Variants in ICE1 observed in about 807,000 individuals in gnomAD.
The protein encoded by ICE1 is little elongation complex subunit 1.
In ICE1, 64 loss-of-function variants were observed where a neutral mutation model predicts 192.7. The observed-to-expected ratio is 0.33, with a 90% CI of 0.27 to 0.41. The LOEUF is 0.41. Among genes scored for constraint, ICE1 ranks in the 10% least tolerant of loss-of-function variants. The pLI is 1.00. For synonymous variants in ICE1, 1,010 were observed against 984.5 expected, an observed-to-expected ratio of 1.03 and a Z score of -0.49; for missense variants, 2,708 against 2,696.0, an observed-to-expected ratio of 1.00 and a Z score of -0.10.
intron 16 of ICE1, among the ~76,000 whole-genome samples, chr5:5,474,213 A>C (rs1191425605): frequency 6.7e-6 from 1 of 148,630 alleles, no homozygotes; most frequent in Non-Finnish European, 1.5e-5. Flanking sequence ...TCATCTCAAA[A>C]AAAAAAAAAA....
In ICE1 at chr5:5,477,338, C is replaced by T. The variant is rs111794648; in HGVS notation, c.6520+1259C>T. Among the ~76,000 whole-genome samples, 502 of 152,264 alleles carry T rather than the reference C, an allele frequency of 3.3e-3. 3 individuals carry two copies. Among genetic ancestry groups the T allele is most frequent in the African/African-American group, 0.011 (476 of 41,552 alleles). Reference sequence around the variant, plus strand: ...CTGATTCCACAGAAATATAAACTGCCATCAGAGAATACTGTAAACACCTCT... The same window carrying T: ...CTGATTCCACAGAAATATAAACTGCTATCAGAGAATACTGTAAACACCTCT... On this transcript the variant is annotated intron_variant, in intron 17 of 18. Coordinates refer to ENST00000296564, the MANE Select transcript of ICE1 (RefSeq NM_015325.3).
At chr5:5,437,348 C>A (rs759985554) in intron 3 of ICE1, 18 of 412,882 alleles carry the variant, frequency 4.4e-5, no homozygotes, top group Admixed American at 3.7e-4. Context: ...ATTTTCTTAA[C>A]GTCTCATAAG....
intron 17 of ICE1, among the ~76,000 whole-genome samples, chr5:5,478,338 C>T (rs578080470): frequency 6.6e-6 from 1 of 152,274 alleles, no homozygotes; most frequent in Admixed American, 6.5e-5. Flanking sequence ...AGAGCTAAAT[C>T]ATGTGTGAAC....
chr5:5,483,452 G>T (rs1385078088), intron 17 of ICE1, among the ~76,000 whole-genome samples: 1 of 152,196 alleles, frequency 6.6e-6, no homozygotes, highest in Non-Finnish European at 1.5e-5. Context: ...AGTACACGGG[G>T]TTTACTCCAA....
intron 1 of ICE1, among the ~76,000 whole-genome samples, chr5:5,430,696 C>T (rs962248217): frequency 2.6e-5 from 4 of 152,142 alleles, no homozygotes; most frequent in African/African-American, 9.7e-5. Flanking sequence ...CTCTTACTGC[C>T]CCATACTCCA....
chr5:5,458,560 A>C (rs1246129696), intron 12 of ICE1, among the ~76,000 whole-genome samples: 1 of 152,118 alleles, frequency 6.6e-6, no homozygotes, highest in Non-Finnish European at 1.5e-5. Flanking sequence ...CAATCCCCAC[A>C]CTGAGTTTTA....
intron 14 of ICE1, 35 bp downstream of exon 14, chr5:5,466,537 T>C (rs1738990654): frequency 6.4e-7 from 1 of 1,552,392 alleles, no homozygotes; most frequent in Non-Finnish European, 8.8e-7. Flanking sequence ...GTATTGAAAA[T>C]ATACGATTGC....
At position 5,463,357 on chromosome 5, in the gene ICE1, C is replaced by A. The variant is rs770271591; in HGVS notation, c.4023C>A (p.Asn1341Lys). ...TCAGCGGTATGCCTCAGAATGAAAACCCTCAGAGCAGACCAGAGGCCCGTT... is the reference window on the plus strand; with the variant it reads ...TCAGCGGTATGCCTCAGAATGAAAAACCTCAGAGCAGACCAGAGGCCCGTT... ...SPISGMPQNE[N>K]PQSRPEARSD... Residue 1341 changes from asparagine to lysine, a missense_variant, in exon 13 of 19, where the codon AAC (asparagine) becomes AAA (lysine). Coordinates refer to ENST00000296564, the MANE Select transcript of ICE1 (RefSeq NM_015325.3). 24 of 1,613,732 alleles carry A rather than the reference C, an allele frequency of 1.5e-5. No homozygotes were observed. The highest frequency in any genetic ancestry group is 2.2e-5 in the East Asian group (1 of 44,880).
Position 5,462,961 on chromosome 5 carries a change from A to G in ICE1, c.3627A>G (p.Glu1209=), listed in dbSNP as rs1579565532. 1 of 1,613,032 alleles carries G rather than the reference A, an allele frequency of 6.2e-7. No individual in the cohort carries two copies. The highest frequency in any genetic ancestry group is 1.3e-5 in the African/African-American group (1 of 75,044). The change falls in exon 13 of 19, where the codon GAA becomes GAG. Residue 1209 remains glutamate, a synonymous_variant. Coordinates refer to ENST00000296564, the MANE Select transcript of ICE1 (RefSeq NM_015325.3). ...KGTLSKEMNK[E]LKASEIGEKY... ...CCCTAAGTAAAGAAATGAACAAAGA[A>G]TTAAAGGCAAGTGAAATAGGAGAAA...
At chr5:5,429,761 G>A (rs902985927) in intron 1 of ICE1, among the ~76,000 whole-genome samples, 3 of 152,190 alleles carry the variant, frequency 2.0e-5, no homozygotes, top group African/African-American at 7.2e-5. Context: ...AGCCAGGTGT[G>A]ATTCTACTTC....
In ICE1 at chr5:5,447,888, A is replaced by T. The variant is rs993126874; in HGVS notation, c.595A>T (p.Ile199Leu). ...AATTTCAAGTGATTCATATGGAAGC[A>T]TAGATAAAAGTGAGTATATTGCAAC... ...TQISSDSYGSIDKRKVKLLLK... is the reference protein window; with the variant it reads ...TQISSDSYGSLDKRKVKLLLK... The change falls in exon 10 of 19, where the codon ATA (isoleucine) becomes TTA (leucine). Residue 199 changes from isoleucine (I) to leucine (L), a missense_variant. Transcript: ENST00000296564. 1 of 1,569,814 alleles carries T rather than the reference A, an allele frequency of 6.4e-7. No individual in the cohort carries two copies. The highest frequency in any genetic ancestry group is 8.7e-7 in the Non-Finnish European group (1 of 1,154,848).
At position 5,444,661 on chromosome 5, in the gene ICE1, A is replaced by G. The variant is rs75138949; in HGVS notation, c.424+335A>G. Among the ~76,000 whole-genome samples the G allele has an allele frequency of 2.4e-3, 363 of 152,278 alleles. 7 individuals carry two copies. In the East Asian group the frequency reaches 0.061, roughly 26 times the overall value. ...CATAGGGCTTTTTCTTTTTTTCTTA[A>G]TGAAATAAGTAGCTGGTGGAAAGGG... On this transcript the variant is annotated intron_variant, in intron 7 of 18. Transcript: ENST00000296564.
chr5:5,425,533 T>G (rs1252608145), intron 1 of ICE1, among the ~76,000 whole-genome samples: 1 of 152,242 alleles, frequency 6.6e-6, no homozygotes, highest in Non-Finnish European at 1.5e-5. Context: ...TTCTGTGGCC[T>G]GGAATTGGAT....
chr5:5,453,165 A>C (rs1344058545), intron 10 of ICE1, among the ~76,000 whole-genome samples: 1 of 152,004 alleles, frequency 6.6e-6, no homozygotes, highest in African/African-American at 2.4e-5. Context: ...GATCCTGGTC[A>C]GGTCATTTAA....
Position 5,457,713 on chromosome 5 carries a change from CG to C in ICE1, c.1076del (p.Gly359ValfsTer49). On this transcript the variant is annotated frameshift_variant, in exon 12 of 19. Transcript: ENST00000296564. LOFTEE classifies it high-confidence loss of function. ...CCCCCTCCGATGTCATCACCTCACC[CG>C]GGTTCCTTACCGTCTTCATTTGCAC... The part of the protein sequence containing the change: ...PSPPPMSSPH[P>X]GSLPSSFAPE... 6.2e-7 allele frequency: 1 copy of C among 1,612,932 alleles called. No individual in the cohort carries two copies. Among genetic ancestry groups the C allele is most frequent in the Non-Finnish European group, 8.5e-7 (1 of 1,179,114 alleles).
intron 15 of ICE1, among the ~76,000 whole-genome samples, chr5:5,472,897 A>G (rs946781957): frequency 2.0e-5 from 3 of 152,128 alleles, no homozygotes; most frequent in African/African-American, 7.2e-5. Context: ...CAGGAGTTCC[A>G]CTCTTAGGTA....
chr5:5,445,735 A>AT lies in ICE1; in HGVS notation c.424+1424dup, dbSNP rs369289020. ...AGCCACATTTTTTATTTAAAAAAGA[A>AT]TTTTTTTTTTTTTTTGAGAGGAAGT... On this transcript the variant is annotated intron_variant, in intron 7 of 18. Coordinates refer to ENST00000296564, the MANE Select transcript of ICE1 (RefSeq NM_015325.3). Among the ~76,000 whole-genome samples the AT allele has an allele frequency of 2.3e-3, 335 of 144,918 alleles. 1 individual carries two copies. The highest frequency in any genetic ancestry group is 0.015 in the Middle Eastern group (4 of 272).
intron 17 of ICE1, among the ~76,000 whole-genome samples, chr5:5,479,520 TG>T (rs1308564501): frequency 6.6e-6 from 1 of 152,176 alleles, no homozygotes; most frequent in Non-Finnish European, 1.5e-5. Context: ...TCAAGCATTG[TG>T]GAAGACAGTG....
rs1304147762 is a variant in ICE1 at position 5,454,616 on chromosome 5, T to C, written c.669T>C (p.Gly223=). 12 of 1,613,540 alleles carry C rather than the reference T, an allele frequency of 7.4e-6. No homozygotes were observed. Among genetic ancestry groups the C allele is most frequent in the Non-Finnish European group, 1.0e-5 (12 of 1,179,632 alleles). Residue 223 remains glycine (G), a synonymous_variant, in exon 11 of 19, where the codon GGT becomes GGC. Coordinates refer to ENST00000296564, the MANE Select transcript of ICE1 (RefSeq NM_015325.3). ...LCVNTTHRLP[G]EGSRCVPEKP... ...TAAACACAACACACAGACTACCTGG[T>C]GAAGGCAGCAGGTGTGTCCCAGGTG...
Sources: gnomAD v4.1 joint callset for allele counts (sites outside exome capture counted in the v4.1 genomes callset) on GRCh38, gnomAD v4.1.1 for gene constraint, MANE v1.5 for transcripts, NCBI Gene and HGNC (gene_info 2026-07-23, HGNC 2026-07-21) for gene names.